ERBB4: variants seen among roughly 807,000 people sequenced by gnomAD.
ERBB4 encodes the protein erb-b2 receptor tyrosine kinase 4.
A neutral mutation model predicts 158.0 loss-of-function variants in ERBB4; 42 were observed. That is an observed-to-expected ratio of 0.27 (90% confidence interval 0.21 to 0.34). ERBB4 has a LOEUF of 0.34. ERBB4 is among the 10% of genes least tolerant of loss of function. ERBB4 has a pLI of 1.00. For missense variants in ERBB4, 1,333 were observed against 1,624.1 expected, an observed-to-expected ratio of 0.82 and a Z score of 3.08; for synonymous variants, 583 against 558.7, an observed-to-expected ratio of 1.04 and a Z score of -0.61.
intron 6 of ERBB4, among the ~76,000 whole-genome samples, chr2:211,723,554 C>T (rs574854247): frequency 2.0e-5 from 3 of 152,172 alleles, no homozygotes; most frequent in Admixed American, 6.5e-5. Flanking sequence ...TTATCATAAA[C>T]ATGACAATTC....
At chr2:212,078,603 T>A (rs747112084) in intron 2 of ERBB4, among the ~76,000 whole-genome samples, 1 of 151,912 alleles carries the variant, frequency 6.6e-6, no homozygotes, top group East Asian at 1.9e-4. Context: ...TGTGGTGTTG[T>A]ATTTTTCTAA....
chr2:211,461,020 T>C lies in ERBB4; in HGVS notation c.2488-29920A>G, dbSNP rs372608924. Among the ~76,000 whole-genome samples, 47 of 152,200 alleles carry C rather than the reference T, an allele frequency of 3.1e-4. No homozygotes were observed. The South Asian group carries it at 8.9e-3, about 29-fold the overall frequency. On this transcript the variant is annotated intron_variant, in intron 20 of 27. Coordinates refer to ENST00000342788, the MANE Select transcript of ERBB4 (RefSeq NM_005235.3). The stretch of plus-strand genomic sequence containing the variant: ...GAAGTACAGCAATGCTTCAACCTGG[T>C]ATTACAGTTTATATTAGACAGCTAG...
At chr2:211,839,890 T>C (rs911148633) in intron 3 of ERBB4, among the ~76,000 whole-genome samples, 1 of 152,168 alleles carries the variant, frequency 6.6e-6, no homozygotes, top group Non-Finnish European at 1.5e-5. Flanking sequence ...TATTCATTGT[T>C]TTATTTTAAA....
intron 20 of ERBB4, among the ~76,000 whole-genome samples, chr2:211,502,252 C>G (rs747154235): frequency 6.6e-6 from 1 of 152,066 alleles, no homozygotes; most frequent in Non-Finnish European, 1.5e-5. Context: ...ACTTCTATGG[C>G]TTCTAACAAA....
At chr2:211,995,838 T>C (rs1438267478) in intron 2 of ERBB4, among the ~76,000 whole-genome samples, 1 of 152,172 alleles carries the variant, frequency 6.6e-6, no homozygotes, top group Non-Finnish European at 1.5e-5. Flanking sequence ...CCTTTTTATA[T>C]TGTGTATTCC....
At chr2:212,218,379 T>A (rs1521661) in intron 1 of ERBB4, among the ~76,000 whole-genome samples, 57,728 of 151,088 alleles carry the variant, frequency 0.38, 12,904 homozygotes, top group East Asian at 0.77. Context: ...GAGTAAAACA[T>A]CCTGGCTACA....
At chr2:211,888,292 A>C (rs1035355215) in intron 3 of ERBB4, among the ~76,000 whole-genome samples, 14 of 152,220 alleles carry the variant, frequency 9.2e-5, no homozygotes, top group Non-Finnish European at 1.6e-4. Context: ...GCTCATGATT[A>C]GTGAAAATAT....
At chr2:212,255,347 T>C (rs1285938391) in intron 1 of ERBB4, among the ~76,000 whole-genome samples, 1 of 152,156 alleles carries the variant, frequency 6.6e-6, no homozygotes, top group Non-Finnish European at 1.5e-5. Context: ...CAGCAAAATT[T>C]CATTTTCTAA....
intron 3 of ERBB4, among the ~76,000 whole-genome samples, chr2:211,822,629 A>G (rs1274649111): frequency 6.6e-6 from 1 of 152,062 alleles, no homozygotes; most frequent in African/African-American, 2.4e-5. Context: ...GTATTACATA[A>G]GTAATGCAAC....
At chr2:212,223,332 TTATATA>T (rs58824300) in intron 1 of ERBB4, among the ~76,000 whole-genome samples, 20 of 144,168 alleles carry the variant, frequency 1.4e-4, no homozygotes, top group Non-Finnish European at 2.0e-4. Context: ...CTTATTAAGC[TTATATA>T]TATATATATA....
At chr2:212,082,753 T>C (rs535136778) in intron 2 of ERBB4, among the ~76,000 whole-genome samples, 1 of 152,106 alleles carries the variant, frequency 6.6e-6, no homozygotes, top group African/African-American at 2.4e-5. Context: ...CAGGTAAAAG[T>C]AATAACTCAG....
intron 1 of ERBB4, among the ~76,000 whole-genome samples, chr2:212,178,966 T>C (rs2081766193): frequency 6.6e-6 from 1 of 151,760 alleles, no homozygotes; most frequent in African/African-American, 2.4e-5. Context: ...CTAATCTTTT[T>C]ATAGAAATGG....
chr2:211,395,406 A>G (rs886804957), intron 25 of ERBB4, among the ~76,000 whole-genome samples: 4 of 152,082 alleles, frequency 2.6e-5, no homozygotes, highest in Non-Finnish European at 4.4e-5. Context: ...TTCCCATCCA[A>G]TGTACAATCT....
At chr2:211,738,361 G>GTTTTGTTTTT (rs1559473744) in intron 5 of ERBB4, among the ~76,000 whole-genome samples, 1 of 135,342 alleles carries the variant, frequency 7.4e-6, no homozygotes. Flanking sequence ...CTTTGTTTTT[G>GTTTTGTTTTT]TTTTTTTTTT....
rs572267746 is a variant in ERBB4 at position 212,123,823 on chromosome 2, A to G, written c.234+929T>C. 2.0e-5 allele frequency among the ~76,000 whole-genome samples: 3 copies of G among 152,332 alleles called. No homozygotes were observed. In the South Asian group the frequency reaches 6.2e-4, roughly 32 times the overall value. On this transcript the variant is annotated intron_variant, in intron 2 of 27. Coordinates refer to ENST00000342788, the MANE Select transcript of ERBB4 (RefSeq NM_005235.3). The stretch of plus-strand genomic sequence containing the variant: ...ATCATAGATCTCTAAATAATTTACT[A>G]TCCACTAACTGGCTTACTATATCAG...
intron 1 of ERBB4, among the ~76,000 whole-genome samples, chr2:212,342,848 G>T: frequency 6.6e-6 from 1 of 152,208 alleles, no homozygotes; most frequent in Middle Eastern, 3.4e-3. Flanking sequence ...TTTAAAAGTA[G>T]TATTCTTCTT....
In ERBB4 at chr2:211,720,175, G is replaced by A. The variant is rs187873187; in HGVS notation, c.883+2218C>T. ...TGCATTTTTAGTAGCATAATAATTG[G>A]TAAGAAATTCACTCCTTGGAAACTG... On this transcript the variant is annotated intron_variant, in intron 7 of 27. Transcript: ENST00000342788. 4.6e-5 allele frequency among the ~76,000 whole-genome samples: 7 copies of A among 152,272 alleles called. No homozygotes were observed. The East Asian group carries it at 1.4e-3, about 29-fold the overall frequency.
intron 1 of ERBB4, among the ~76,000 whole-genome samples, chr2:212,297,995 AAGAC>A (rs1177390233): frequency 6.6e-6 from 1 of 151,810 alleles, no homozygotes; most frequent in Admixed American, 6.6e-5. Flanking sequence ...TTGAAGATGG[AAGAC>A]AGTGCTGAAA....
chr2:212,078,818 A>G (rs1259257470), intron 2 of ERBB4, among the ~76,000 whole-genome samples: 1 of 151,266 alleles, frequency 6.6e-6, no homozygotes, highest in East Asian at 1.9e-4. Context: ...AATACTATTA[A>G]TTACTAATAG....
Sources: allele counts gnomAD v4.1 joint callset (sites outside exome capture counted in the v4.1 genomes callset), GRCh38; gene constraint gnomAD v4.1.1; transcripts MANE v1.5; gene names NCBI Gene and HGNC (gene_info 2026-07-23, HGNC 2026-07-21).